ARHGAP42: variants seen among roughly 807,000 people sequenced by gnomAD.
The protein encoded by ARHGAP42 is Rho GTPase activating protein 42.
In ARHGAP42, 63 loss-of-function variants were observed where a neutral mutation model predicts 125.0. That is an observed-to-expected ratio of 0.50 (90% confidence interval 0.41 to 0.62). The LOEUF is 0.62. ARHGAP42 is among the 20% of genes least tolerant of loss of function. The pLI, the probability that ARHGAP42 is intolerant of heterozygous loss-of-function variation, is 0.00. For synonymous variants in ARHGAP42, 339 were observed against 351.0 expected (o/e 0.97, Z 0.38); for missense variants, 766 against 1,024.2 (o/e 0.75, Z 3.44).
chr11:100,914,823 T>G (rs1349009941), intron 5 of ARHGAP42, among the ~76,000 whole-genome samples: 2 of 152,130 alleles, frequency 1.3e-5, no homozygotes, highest in Non-Finnish European at 2.9e-5. Context: ...TTCTTATTTC[T>G]CCTACCTCTG....
chr11:100,830,899 A>G (rs77077061), intron 3 of ARHGAP42, among the ~76,000 whole-genome samples: 298 of 152,306 alleles, frequency 2.0e-3, no homozygotes, highest in African/African-American at 6.8e-3. Flanking sequence ...GCAGAGGGCA[A>G]CATTTTTCTT....
chr11:100,748,350 C>T (rs951906121), intron 1 of ARHGAP42, among the ~76,000 whole-genome samples: 2 of 152,102 alleles, frequency 1.3e-5, no homozygotes, highest in Non-Finnish European at 2.9e-5. Flanking sequence ...TCTCTGAATA[C>T]CCATTGTGTC....
At chr11:100,866,094 C>A (rs1296736601) in intron 4 of ARHGAP42, among the ~76,000 whole-genome samples, 1 of 152,136 alleles carries the variant, frequency 6.6e-6, no homozygotes, top group East Asian at 1.9e-4. Context: ...ATTCCAAATC[C>A]TTTGTTGTCA....
Position 100,959,949 on chromosome 11 carries a change from A to G in ARHGAP42, c.1225+4A>G. The G allele has an allele frequency of 6.4e-7, 1 of 1,551,024 alleles. No individual in the cohort carries two copies. The highest frequency in any genetic ancestry group is 8.7e-7 in the Non-Finnish European group (1 of 1,146,230). On this transcript the variant is annotated splice_donor_region_variant and intron_variant, in intron 13 of 23. Transcript: ENST00000298815. ...ATTCAAGCTGTGGAAACAAGAGGTC[A>G]GTGTTGCCTGATTGGTACAGCATCC...
intron 10 of ARHGAP42, 114 bp downstream of exon 10, chr11:100,943,982 G>T: frequency 1.5e-6 from 1 of 664,476 alleles, no homozygotes; most frequent in South Asian, 2.4e-5. Flanking sequence ...TTAAAAAACA[G>T]TATACATGTT....
At chr11:100,885,873 A>G (rs1396694627) in intron 4 of ARHGAP42, among the ~76,000 whole-genome samples, 1 of 152,220 alleles carries the variant, frequency 6.6e-6, no homozygotes, top group East Asian at 1.9e-4. Flanking sequence ...CATAATGTAA[A>G]TCCTCTTCAG....
chr11:100,769,239 T>C (rs755989798), intron 1 of ARHGAP42, among the ~76,000 whole-genome samples: 6 of 152,208 alleles, frequency 3.9e-5, no homozygotes, highest in African/African-American at 9.7e-5. Context: ...TATGTGGTGC[T>C]TGACTGTGTG....
chr11:100,919,643 C>T (rs538737450), intron 5 of ARHGAP42, among the ~76,000 whole-genome samples: 1 of 152,050 alleles, frequency 6.6e-6, no homozygotes, highest in East Asian at 1.9e-4. Flanking sequence ...CTCAAGCAGT[C>T]CTCCCACGTT....
chr11:100,853,603 A>G (rs1865255800), intron 3 of ARHGAP42, among the ~76,000 whole-genome samples: 1 of 152,138 alleles, frequency 6.6e-6, no homozygotes, highest in Admixed American at 6.6e-5. Flanking sequence ...AGTGGATTAT[A>G]TGAAATTTTA....
intron 17 of ARHGAP42, among the ~76,000 whole-genome samples, chr11:100,971,526 A>C (rs1476485756): frequency 6.6e-6 from 1 of 152,204 alleles, no homozygotes; most frequent in Non-Finnish European, 1.5e-5. Flanking sequence ...GTATCTATTG[A>C]GTAGCCCAGC....
At chr11:100,920,872 A>T (rs1239793088) in intron 5 of ARHGAP42, among the ~76,000 whole-genome samples, 1 of 152,018 alleles carries the variant, frequency 6.6e-6, no homozygotes, top group Non-Finnish European at 1.5e-5. Context: ...TTACCTAATG[A>T]GGTGGCTCTC....
intron 1 of ARHGAP42, among the ~76,000 whole-genome samples, chr11:100,705,398 C>T (rs763717688): frequency 6.6e-6 from 1 of 152,216 alleles, no homozygotes; most frequent in East Asian, 1.9e-4. Flanking sequence ...AATTCTAGGT[C>T]TGCGGCTAGT....
At chr11:100,779,630 T>G (rs944121180) in intron 2 of ARHGAP42, among the ~76,000 whole-genome samples, 11 of 122,162 alleles carry the variant, frequency 9.0e-5, no homozygotes, top group Non-Finnish European at 1.9e-4. Context: ...CTACTATGGT[T>G]CTTTTCAGTA....
chr11:100,846,524 C>T (rs1169648239), intron 3 of ARHGAP42, among the ~76,000 whole-genome samples: 5 of 152,184 alleles, frequency 3.3e-5, no homozygotes, highest in Non-Finnish European at 7.3e-5. Context: ...ACCCCCACTT[C>T]CAACCAATAA....
At chr11:100,768,042 A>G (rs1862872622) in intron 1 of ARHGAP42, among the ~76,000 whole-genome samples, 1 of 152,156 alleles carries the variant, frequency 6.6e-6, no homozygotes, top group South Asian at 2.1e-4. Flanking sequence ...GTTGATAGGT[A>G]CTTGGACTTG....
chr11:100,751,617 G>A (rs1447094665), intron 1 of ARHGAP42, among the ~76,000 whole-genome samples: 1 of 151,766 alleles, frequency 6.6e-6, no homozygotes, highest in Non-Finnish European at 1.5e-5. Context: ...CCTTGACAGA[G>A]GTAGCAGCTG....
Position 100,976,958 on chromosome 11 carries a change from C to A in ARHGAP42, c.2380C>A (p.Arg794=), listed in dbSNP as rs923803690. The change falls in exon 21 of 24, where the codon CGG becomes AGG. Residue 794 remains arginine (R), a synonymous_variant. Transcript: ENST00000298815. ...CACTGCCTCAAGCAATGGCTATCAGCGGCCTGGCTCAGTGTAAGTGAGCGT... is the reference window on the plus strand; with the variant it reads ...CACTGCCTCAAGCAATGGCTATCAGAGGCCTGGCTCAGTGTAAGTGAGCGT... ...LDTASSNGYQ[R]PGSVVAAKAQ... 1 of 1,551,212 alleles carries A rather than the reference C, an allele frequency of 6.4e-7. No individual in the cohort carries two copies. Among genetic ancestry groups the A allele is most frequent in the Non-Finnish European group, 8.7e-7 (1 of 1,146,776 alleles).
intron 12 of ARHGAP42, among the ~76,000 whole-genome samples, chr11:100,951,810 T>C (rs574963272): frequency 8.4e-4 from 128 of 152,166 alleles, no homozygotes; most frequent in African/African-American, 3.1e-3. Flanking sequence ...AGTGCTAGAG[T>C]GTGTGTGTTT....
At chr11:100,817,237 C>T (rs1864288011) in intron 3 of ARHGAP42, among the ~76,000 whole-genome samples, 1 of 152,174 alleles carries the variant, frequency 6.6e-6, no homozygotes, top group Non-Finnish European at 1.5e-5. Context: ...AGTAGCAGAC[C>T]AATAATGTTG....
Sources: allele counts gnomAD v4.1 joint callset (sites outside exome capture counted in the v4.1 genomes callset), GRCh38; gene constraint gnomAD v4.1.1; transcripts MANE v1.5; gene names NCBI Gene and HGNC (gene_info 2026-07-23, HGNC 2026-07-21).